The following NRG1 variants were observed in gnomAD, a reference collection of about 807,000 sequenced individuals.
NRG1 encodes the protein pro-neuregulin-1, membrane-bound isoform.
A neutral mutation model predicts 63.8 loss-of-function variants in NRG1; 18 were observed. The observed-to-expected ratio is 0.28, with a 90% CI of 0.19 to 0.42. The LOEUF (loss-of-function observed/expected upper bound fraction) is 0.42. Among genes scored for constraint, NRG1 ranks in the 10% least tolerant of loss-of-function variants. The probability of loss-of-function intolerance (pLI) is 1.00; values close to 1 mark genes in which losing one functional copy is unlikely to be tolerated. For missense variants in NRG1, 762 were observed against 814.7 expected, an observed-to-expected ratio of 0.94 and a Z score of 0.79; for synonymous variants, 302 against 301.3, an observed-to-expected ratio of 1.00 and a Z score of -0.02.
At chr8:32,008,176 G>C (rs1464029390) in intron 1 of NRG1, among the ~76,000 whole-genome samples, 1 of 151,994 alleles carries the variant, frequency 6.6e-6, no homozygotes, top group East Asian at 1.9e-4. Flanking sequence ...GCTTAGTGAA[G>C]AAGAGTGTCG....
intron 1 of NRG1, among the ~76,000 whole-genome samples, chr8:32,297,766 G>A (rs1855067418): frequency 2.6e-5 from 4 of 152,186 alleles, no homozygotes; most frequent in African/African-American, 7.2e-5. Context: ...GTGGAAGAGA[G>A]CATCCAAAGC....
intron 1 of NRG1, among the ~76,000 whole-genome samples, chr8:31,960,754 G>GGACT (rs1362879711): frequency 2.0e-5 from 3 of 152,158 alleles, no homozygotes; most frequent in Admixed American, 2.0e-4. Flanking sequence ...CAGACACCTG[G>GGACT]GACTCCTCTT....
chr8:32,115,688 T>C (rs765764218), intron 1 of NRG1, among the ~76,000 whole-genome samples: 5 of 152,278 alleles, frequency 3.3e-5, no homozygotes, highest in Non-Finnish European at 7.4e-5. Flanking sequence ...GGATGCTATA[T>C]TGAGTACTTT....
intron 1 of NRG1, among the ~76,000 whole-genome samples, chr8:32,212,407 G>A (rs1401304622): frequency 1.3e-5 from 2 of 152,050 alleles, no homozygotes; most frequent in African/African-American, 4.8e-5. Context: ...AAAACTTTCT[G>A]TGCTATTCAG....
chr8:32,676,577 A>C (rs1211712913), intron 5 of NRG1, among the ~76,000 whole-genome samples: 2 of 152,128 alleles, frequency 1.3e-5, no homozygotes, highest in Non-Finnish European at 2.9e-5. Context: ...TACTTTTCTC[A>C]GGTTAGCTGT....
chr8:31,746,961 C>T (rs575623406), intron 1 of NRG1, among the ~76,000 whole-genome samples: 56 of 151,696 alleles, frequency 3.7e-4, no homozygotes, highest in African/African-American at 1.2e-3. Context: ...AAAATCAAAA[C>T]AATTGAACTA....
chr8:32,021,568 G>A (rs1816452169), intron 1 of NRG1, among the ~76,000 whole-genome samples: 1 of 152,100 alleles, frequency 6.6e-6, no homozygotes, highest in Admixed American at 6.6e-5. Context: ...ATTTCAATAT[G>A]AGTTTTGATG....
intron 1 of NRG1, among the ~76,000 whole-genome samples, chr8:32,493,685 C>T (rs1327581217): frequency 1.3e-5 from 2 of 152,122 alleles, no homozygotes; most frequent in East Asian, 1.9e-4. Context: ...AATCCATTGC[C>T]AGCATCTTTA....
chr8:32,686,253 C>T (rs1294297771), intron 5 of NRG1, among the ~76,000 whole-genome samples: 1 of 151,924 alleles, frequency 6.6e-6, no homozygotes, highest in Non-Finnish European at 1.5e-5. Flanking sequence ...TCTAGGATTC[C>T]AAATTATAAG....
At chr8:31,956,443 C>G (rs1804426963) in intron 1 of NRG1, among the ~76,000 whole-genome samples, 1 of 151,890 alleles carries the variant, frequency 6.6e-6, no homozygotes, top group South Asian at 2.1e-4. Flanking sequence ...TGGTGAAACC[C>G]CATCTCTACT....
At chr8:32,227,283 T>C (rs1846425814) in intron 1 of NRG1, among the ~76,000 whole-genome samples, 1 of 152,114 alleles carries the variant, frequency 6.6e-6, no homozygotes, top group Non-Finnish European at 1.5e-5. Flanking sequence ...GACTAACACA[T>C]TTACAGCAAT....
chr8:32,029,183 A>G (rs952272589), intron 1 of NRG1, among the ~76,000 whole-genome samples: 1 of 152,184 alleles, frequency 6.6e-6, no homozygotes, highest in Non-Finnish European at 1.5e-5. Flanking sequence ...TTTTCTTTGC[A>G]TTTCTCATAT....
intron 1 of NRG1, among the ~76,000 whole-genome samples, chr8:32,464,288 C>G (rs569176474): frequency 7.3e-6 from 1 of 136,078 alleles, no homozygotes; most frequent in Non-Finnish European, 1.6e-5. Context: ...CACCCCCCCC[C>G]ACCCCACCAT....
chr8:32,180,583 A>C (rs1290060006), intron 1 of NRG1, among the ~76,000 whole-genome samples: 2 of 152,152 alleles, frequency 1.3e-5, no homozygotes, highest in South Asian at 4.1e-4. Flanking sequence ...GACAAAAATC[A>C]CAAGTACTGT....
rs71208138 is a variant in NRG1, at chr8:31,691,594, C to CAAAAAA, written c.37+52185_37+52190dup. Reference sequence around the variant, plus strand: ...TGGGTGACAGAGTGAGACTCTGTCTCAAAAAAAAAAAAAAAAAAAAAAAAA... The same window carrying CAAAAAA: ...TGGGTGACAGAGTGAGACTCTGTCTCAAAAAAAAAAAAAAAAAAAAAAAAAAAAAAA... On this transcript the variant is annotated intron_variant, in intron 1 of 10. Coordinates refer to the NRG1 transcript ENST00000519301. Among the ~76,000 whole-genome samples the CAAAAAA allele has an allele frequency of 3.9e-3, 138 of 34,988 alleles. 17 individuals carry two copies. Among genetic ancestry groups the CAAAAAA allele is most frequent in the African/African-American group, 0.02 (131 of 6,594 alleles). The allele number at this position is 34,988 out of a possible 152,430, so 23.0% of individuals were successfully genotyped here.
At chr8:32,455,301 C>G (rs949617705) in intron 1 of NRG1, among the ~76,000 whole-genome samples, 3 of 152,162 alleles carry the variant, frequency 2.0e-5, no homozygotes, top group African/African-American at 7.2e-5. Flanking sequence ...CAGCATAACA[C>G]CTGCCAAATA....
At position 32,243,040 on chromosome 8, in the gene NRG1, G is replaced by A. The variant is rs188768371; in HGVS notation, c.38-352788G>A. 2.3e-4 allele frequency among the ~76,000 whole-genome samples: 35 copies of A among 152,180 alleles called. No individual in the cohort carries two copies. The East Asian group carries it at 5.8e-3, about 25-fold the overall frequency. On this transcript the variant is annotated intron_variant, in intron 1 of 10. Coordinates refer to the NRG1 transcript ENST00000519301. ...TGTTCTGGGTCCTTCTCCTTGGCTT[G>A]TAGATGTCTGTCTTCTCCCTGTGTC...
At chr8:31,868,451 CGTAGTAATT>C (rs1829187542) in intron 1 of NRG1, among the ~76,000 whole-genome samples, 2 of 152,150 alleles carry the variant, frequency 1.3e-5, no homozygotes, top group Non-Finnish European at 2.9e-5. Flanking sequence ...CCTCTGATTG[CGTAGTAATT>C]CACTGATCAT....
chr8:31,945,227 T>C (rs972424563), intron 1 of NRG1, among the ~76,000 whole-genome samples: 2 of 152,356 alleles, frequency 1.3e-5, no homozygotes, highest in Middle Eastern at 3.4e-3. Context: ...TTTTCCATAC[T>C]ATGCAGGCTG....
Sources: allele counts gnomAD v4.1 joint callset (sites outside exome capture counted in the v4.1 genomes callset), GRCh38; gene constraint gnomAD v4.1.1; transcripts MANE v1.5; gene names NCBI Gene and HGNC (gene_info 2026-07-23, HGNC 2026-07-21).